The following SNX13 variants were observed in gnomAD, a reference collection of about 807,000 sequenced individuals.
SNX13 encodes sorting nexin 13.
In SNX13, 45 loss-of-function variants were observed where a neutral mutation model predicts 133.6. The ratio of observed to expected loss-of-function variants is 0.34; its 90% confidence interval spans 0.27 to 0.43. The LOEUF is 0.43. Among genes scored for constraint, SNX13 ranks in the 20% least tolerant of loss-of-function variants. The pLI is 1.00. For missense variants in SNX13, 1,032 were observed against 1,145.1 expected, an observed-to-expected ratio of 0.90 and a Z score of 1.43; for synonymous variants, 414 against 373.9, an observed-to-expected ratio of 1.11 and a Z score of -1.24.
At chr7:17,873,080 C>CA (rs1210996815) in intron 8 of SNX13, among the ~76,000 whole-genome samples, 1 of 152,108 alleles carries the variant, frequency 6.6e-6, no homozygotes, top group Non-Finnish European at 1.5e-5. Context: ...AAATTTAAAA[C>CA]AAACTTTTGT....
intron 1 of SNX13, among the ~76,000 whole-genome samples, chr7:17,920,408 T>G (rs1328805833): frequency 6.6e-6 from 1 of 152,230 alleles, no homozygotes; most frequent in Non-Finnish European, 1.5e-5. Context: ...AAAAGCAATT[T>G]CATAGTTCTC....
intron 20 of SNX13, among the ~76,000 whole-genome samples, chr7:17,806,816 G>A (rs1434803108): frequency 6.6e-6 from 1 of 152,232 alleles, no homozygotes; most frequent in East Asian, 1.9e-4. Context: ...GCGAGCTGAA[G>A]CAGGGTGGGG....
chr7:17,793,030 AT>A lies in SNX13; in HGVS notation c.*1014del, dbSNP rs1261268340. 1.3e-5 allele frequency: 2 copies of A among 152,248 alleles called. No individual in the cohort carries two copies. Among genetic ancestry groups the A allele is most frequent in the Non-Finnish European group, 2.9e-5 (2 of 67,824 alleles). 9.4% of individuals were successfully genotyped at this position (152,248 alleles called of 1,614,324 possible). ...TTTCATATATGTACACTGTCATAGA[AT>A]TAGGAATCTGTATGTTTACTATGAC... On this transcript the variant is annotated 3_prime_UTR_variant, in exon 26 of 26. Transcript: ENST00000428135.
chr7:17,883,166 C>G (rs1401388697), intron 5 of SNX13, among the ~76,000 whole-genome samples: 2 of 152,138 alleles, frequency 1.3e-5, no homozygotes, highest in South Asian at 4.1e-4. Context: ...GTCCTATATC[C>G]TATATTTCAA....
intron 2 of SNX13, among the ~76,000 whole-genome samples, chr7:17,896,636 T>C (rs1383871265): frequency 3.3e-5 from 5 of 152,134 alleles, no homozygotes; most frequent in African/African-American, 1.2e-4. Flanking sequence ...TAAACATACA[T>C]ACAAACACAT....
intron 9 of SNX13, among the ~76,000 whole-genome samples, chr7:17,863,508 G>A (rs1298616971): frequency 6.6e-6 from 1 of 152,178 alleles, no homozygotes; most frequent in African/African-American, 2.4e-5. Context: ...AAACCAGGCA[G>A]ATTGCTGAAA....
At chr7:17,926,215 G>T (rs17138455) in intron 1 of SNX13, among the ~76,000 whole-genome samples, 2 of 152,064 alleles carry the variant, frequency 1.3e-5, no homozygotes, top group Non-Finnish European at 2.9e-5. Context: ...ACTGTATAAC[G>T]GGTGCTAGTG....
At chr7:17,817,797 T>A (rs995377769) in intron 18 of SNX13, among the ~76,000 whole-genome samples, 1 of 152,296 alleles carries the variant, frequency 6.6e-6, no homozygotes, top group African/African-American at 2.4e-5. Context: ...TAAGAGATAT[T>A]TCCTGCAATA....
Position 17,869,308 on chromosome 7 carries a change from CA to C in SNX13, c.754-819del, listed in dbSNP as rs1793765753. Among the ~76,000 whole-genome samples the C allele has an allele frequency of 3.3e-5, 5 of 152,094 alleles. No individual in the cohort carries two copies. The South Asian group carries it at 1.0e-3, about 32-fold the overall frequency. On this transcript the variant is annotated intron_variant, in intron 8 of 25. Transcript: ENST00000428135. Reference sequence around the variant, plus strand: ...ACTTATCTACTGAATTATTTATTCTCAAAAATATTTACCTTCCTCATCCCAT... The same window carrying C: ...ACTTATCTACTGAATTATTTATTCTCAAAATATTTACCTTCCTCATCCCAT...
At chr7:17,829,155 T>G (rs1368560777) in intron 16 of SNX13, among the ~76,000 whole-genome samples, 3 of 151,524 alleles carry the variant, frequency 2.0e-5, no homozygotes, top group Non-Finnish European at 3.0e-5. Flanking sequence ...GTAGTACAGC[T>G]AACACCTAAG....
intron 15 of SNX13, 129 bp downstream of exon 15, chr7:17,833,923 G>T: frequency 3.3e-6 from 2 of 608,840 alleles, no homozygotes; most frequent in South Asian, 8.0e-5. Flanking sequence ...TTCATTTGTA[G>T]ATTTTTTAAT....
intron 18 of SNX13, among the ~76,000 whole-genome samples, chr7:17,820,847 G>C (rs1176814505): frequency 6.6e-6 from 1 of 151,944 alleles, no homozygotes; most frequent in Non-Finnish European, 1.5e-5. Context: ...AAATTTCATA[G>C]ATCATTTATT....
chr7:17,796,288 G>T (rs967561838), intron 25 of SNX13: 7 of 151,998 alleles, frequency 4.6e-5, no homozygotes, highest in African/African-American at 1.7e-4. Context: ...TACTTTGTTT[G>T]GGATTGTATT....
chr7:17,826,509 T>C lies in SNX13; in HGVS notation c.1636-418A>G, dbSNP rs138605676. Among the ~76,000 whole-genome samples the C allele has an allele frequency of 1.6e-3, 250 of 152,148 alleles. 1 individual carries two copies. Among genetic ancestry groups the C allele is most frequent in the African/African-American group, 5.5e-3 (230 of 41,562 alleles). ...AATACTTTTGTTAATATAGAAATAA[T>C]TTTTAAATTTAATTCAGATTCCTTA... On this transcript the variant is annotated intron_variant, in intron 16 of 25. Coordinates refer to ENST00000428135, the MANE Select transcript of SNX13 (RefSeq NM_015132.5).
rs540072251 is a variant in SNX13 at position 17,851,343 on chromosome 7, A to G, written c.838-379T>C. Among the ~76,000 whole-genome samples, 33 of 152,364 alleles carry G rather than the reference A, an allele frequency of 2.2e-4. No individual in the cohort carries two copies. The South Asian group carries it at 6.6e-3, about 31-fold the overall frequency. ...CACTCTGAAGCAAGTCAGAAGTTAT[A>G]TTGGAAGGTTTAAACAGAAGAGTAA... On this transcript the variant is annotated intron_variant, in intron 9 of 25. Coordinates refer to ENST00000428135, the MANE Select transcript of SNX13 (RefSeq NM_015132.5).
chr7:17,937,288 C>G (rs1802203011), intron 1 of SNX13, among the ~76,000 whole-genome samples: 1 of 151,882 alleles, frequency 6.6e-6, no homozygotes, highest in Non-Finnish European at 1.5e-5. Context: ...TCCATTTTAG[C>G]TTAATATAAA....
chr7:17,869,091 G>A (rs1326949718), intron 8 of SNX13, among the ~76,000 whole-genome samples: 1 of 151,970 alleles, frequency 6.6e-6, no homozygotes, highest in Non-Finnish European at 1.5e-5. Context: ...ATGTTCCTAT[G>A]CAGAACAATT....
chr7:17,875,515 C>T lies in SNX13; in HGVS notation c.629G>A (p.Arg210His), dbSNP rs369641692. 4.9e-5 allele frequency: 79 copies of T among 1,609,462 alleles called. No homozygotes were observed. Among genetic ancestry groups the T allele is most frequent in the Middle Eastern group, 1.6e-4 (1 of 6,082 alleles). The change falls in exon 7 of 26, where the codon CGT becomes CAT. Residue 210 changes from arginine (R) to histidine (H), a missense_variant. Physicochemically the swap from Arg to His is conservative, Grantham distance 29 (BLOSUM62 0). Transcript: ENST00000428135. ...VEVEMEKEVC[R>H]DLVCTSPKDE... ...TTTGGGGGAAGTGCACACTAGATCACGGCAAACCTCCTTCTCCATTTCAAC... is the reference window on the plus strand; with the variant it reads ...TTTGGGGGAAGTGCACACTAGATCATGGCAAACCTCCTTCTCCATTTCAAC...
At chr7:17,907,038 AT>A (rs892230308) in intron 1 of SNX13, among the ~76,000 whole-genome samples, 1 of 152,144 alleles carries the variant, frequency 6.6e-6, no homozygotes, top group African/African-American at 2.4e-5. Flanking sequence ...AACACCAAGT[AT>A]TTTTTGTATT....
Sources: gnomAD v4.1 joint callset for allele counts (sites outside exome capture counted in the v4.1 genomes callset) on GRCh38, gnomAD v4.1.1 for gene constraint, MANE v1.5 for transcripts, NCBI Gene and HGNC (gene_info 2026-07-23, HGNC 2026-07-21) for gene names.